CSMD1: variants seen among roughly 807,000 people sequenced by gnomAD.
CSMD1 encodes the protein CUB and sushi domain-containing protein 1.
In CSMD1, 213 loss-of-function variants were observed where a neutral mutation model predicts 417.5. The ratio of observed to expected loss-of-function variants is 0.51; its 90% CI spans 0.46 to 0.57. CSMD1 has a LOEUF of 0.57. CSMD1 is among the 20% of genes least tolerant of loss of function. CSMD1 has a pLI of 0.00. For missense variants in CSMD1, 6,923 were observed against 4,529.7 expected (o/e 1.53, Z -15.17); for synonymous variants, 2,862 against 1,736.8 (o/e 1.65, Z -16.11).
chr8:4,726,035 C>T lies in CSMD1; in HGVS notation c.86-88477G>A, dbSNP rs148004458. On this transcript the variant is annotated intron_variant, in intron 1 of 69. Transcript: ENST00000635120. Reference sequence around the variant, plus strand: ...TTCTCATAATGGATTTTTCTGGTCACGGTGTGAGTTCACATCGTGGACAGT... The same window carrying T: ...TTCTCATAATGGATTTTTCTGGTCATGGTGTGAGTTCACATCGTGGACAGT... 1.7e-3 allele frequency among the ~76,000 whole-genome samples: 262 copies of T among 152,260 alleles called. 1 individual carries two copies. The highest frequency in any genetic ancestry group is 2.1e-3 in the Non-Finnish European group (140 of 68,024).
At chr8:3,727,643 G>C (rs183363153) in intron 6 of CSMD1, among the ~76,000 whole-genome samples, 1 of 152,256 alleles carries the variant, frequency 6.6e-6, no homozygotes, top group Admixed American at 6.5e-5. Context: ...GGAAAGCTGG[G>C]ATTCAAGTAG....
intron 1 of CSMD1, among the ~76,000 whole-genome samples, chr8:4,885,295 CTTTTT>C (rs574248553): frequency 6.6e-6 from 1 of 151,826 alleles, no homozygotes; most frequent in Non-Finnish European, 1.5e-5. Flanking sequence ...AGTTTTCCTT[CTTTTT>C]TTTATTATTC....
intron 1 of CSMD1, among the ~76,000 whole-genome samples, chr8:4,673,462 C>A (rs149056522): frequency 6.6e-6 from 1 of 152,222 alleles, no homozygotes; most frequent in African/African-American, 2.4e-5. Flanking sequence ...ATATCATTGG[C>A]CACATTATCT....
chr8:3,380,853 C>G (rs1810584640), intron 18 of CSMD1, among the ~76,000 whole-genome samples: 1 of 151,622 alleles, frequency 6.6e-6, no homozygotes, highest in East Asian at 2.0e-4. Context: ...AACAAACCTG[C>G]ACGATCCGCA....
intron 3 of CSMD1, among the ~76,000 whole-genome samples, chr8:4,324,601 G>T (rs183771925): frequency 1.3e-5 from 2 of 152,298 alleles, no homozygotes; most frequent in East Asian, 3.9e-4. Flanking sequence ...GAACAAGACA[G>T]GTCAGTGGCC....
intron 3 of CSMD1, among the ~76,000 whole-genome samples, chr8:4,317,384 C>T (rs539693968): frequency 1.3e-5 from 2 of 152,266 alleles, no homozygotes; most frequent in East Asian, 3.9e-4. Context: ...TTTCATTCTA[C>T]CCTGCTGTAA....
intron 26 of CSMD1, among the ~76,000 whole-genome samples, chr8:3,265,727 C>G (rs1025557299): frequency 6.6e-6 from 1 of 152,096 alleles, no homozygotes; most frequent in Admixed American, 6.6e-5. Context: ...AAGCAGGGCC[C>G]TAGCTTTTAC....
rs531348712 is a variant in CSMD1, at chr8:4,176,171, C to G, written c.416-144072G>C. On this transcript the variant is annotated intron_variant, in intron 3 of 69. Transcript: ENST00000635120. ...TGGAAAAGAGACTCTATGTCTTGAT[C>G]AGAAGCCCTGCAGAACCACATCCAC... 5.3e-5 allele frequency among the ~76,000 whole-genome samples: 8 copies of G among 152,108 alleles called. No individual in the cohort carries two copies. In the East Asian group the frequency reaches 1.4e-3, roughly 26 times the overall value.
At chr8:3,703,523 G>A (rs140395651) in intron 7 of CSMD1, among the ~76,000 whole-genome samples, 1 of 152,204 alleles carries the variant, frequency 6.6e-6, no homozygotes, top group Non-Finnish European at 1.5e-5. Context: ...GGCTGTCAGG[G>A]GATGAGGAGG....
intron 3 of CSMD1, among the ~76,000 whole-genome samples, chr8:4,242,636 T>G (rs938477289): frequency 6.6e-6 from 1 of 152,174 alleles, no homozygotes; most frequent in Non-Finnish European, 1.5e-5. Context: ...GGCATCTTTG[T>G]GTGTTTGGAA....
At chr8:4,749,707 A>C (rs915462868) in intron 1 of CSMD1, among the ~76,000 whole-genome samples, 2 of 152,152 alleles carry the variant, frequency 1.3e-5, no homozygotes, top group African/African-American at 4.8e-5. Flanking sequence ...CAACTTAAGA[A>C]ATTCATTGCA....
chr8:4,079,658 G>C (rs762068975), intron 3 of CSMD1, among the ~76,000 whole-genome samples: 4 of 152,206 alleles, frequency 2.6e-5, no homozygotes, highest in Admixed American at 6.5e-5. Flanking sequence ...TTGTTTCAGC[G>C]TTCTTGTGGG....
chr8:4,235,340 T>C (rs1365901314), intron 3 of CSMD1, among the ~76,000 whole-genome samples: 1 of 151,006 alleles, frequency 6.6e-6, no homozygotes, highest in Admixed American at 6.6e-5. Context: ...TTCATACTCA[T>C]TAATCAAAAG....
At chr8:3,932,828 T>G (rs540118682) in intron 5 of CSMD1, among the ~76,000 whole-genome samples, 15 of 150,674 alleles carry the variant, frequency 1.0e-4, no homozygotes, top group African/African-American at 3.4e-4. Flanking sequence ...TATATTTCTC[T>G]TTTTTATGCT....
intron 10 of CSMD1, among the ~76,000 whole-genome samples, chr8:3,542,285 C>T (rs1412524786): frequency 6.6e-6 from 1 of 152,132 alleles, no homozygotes; most frequent in East Asian, 1.9e-4. Context: ...GAAGATGGTT[C>T]ATTCATTCAG....
intron 1 of CSMD1, among the ~76,000 whole-genome samples, chr8:4,850,923 G>C (rs1444646553): frequency 6.9e-6 from 1 of 144,078 alleles, no homozygotes; most frequent in African/African-American, 2.5e-5. Flanking sequence ...CACTTTTTGT[G>C]GTTATTTTTT....
chr8:3,425,485 G>C (rs1585146167), intron 12 of CSMD1, among the ~76,000 whole-genome samples: 1 of 151,774 alleles, frequency 6.6e-6, no homozygotes, highest in Non-Finnish European at 1.5e-5. Context: ...CTACTTGGGA[G>C]GCTGAGGCAG....
chr8:4,270,420 C>G (rs906364735), intron 3 of CSMD1, among the ~76,000 whole-genome samples: 1 of 152,110 alleles, frequency 6.6e-6, no homozygotes, highest in Non-Finnish European at 1.5e-5. Context: ...CTTGGCTCTT[C>G]TACTTTCTGA....
intron 1 of CSMD1, among the ~76,000 whole-genome samples, chr8:4,831,127 G>A (rs1326435232): frequency 6.6e-6 from 1 of 152,168 alleles, no homozygotes; most frequent in Admixed American, 6.5e-5. Context: ...AAAAGAAACT[G>A]TAAAACTTCG....
Sources: allele counts gnomAD v4.1 joint callset (sites outside exome capture counted in the v4.1 genomes callset), GRCh38; gene constraint gnomAD v4.1.1; transcripts MANE v1.5; gene names NCBI Gene and HGNC (gene_info 2026-07-23, HGNC 2026-07-21).